The following GTF2IRD1 variants were observed in gnomAD, a reference collection of about 807,000 sequenced individuals.
GTF2IRD1 encodes the protein general transcription factor II-I repeat domain-containing protein 1.
Under a neutral mutation model 113.2 loss-of-function variants are expected in GTF2IRD1, and 26 were observed. The observed-to-expected ratio is 0.23, with a 90% CI of 0.17 to 0.32. The LOEUF (loss-of-function observed/expected upper bound fraction) is 0.32. Ranked by LOEUF, GTF2IRD1 falls within the 10% of genes least tolerant of loss-of-function variation. The pLI, the probability that GTF2IRD1 is intolerant of heterozygous loss-of-function variation, is 1.00. For missense variants in GTF2IRD1, 864 were observed against 1,280.8 expected (o/e 0.67, Z 4.97); for synonymous variants, 484 against 529.1 (o/e 0.91, Z 1.17).
At chr7:74,545,375 T>G (rs375912949) in intron 15 of GTF2IRD1, among the ~76,000 whole-genome samples, 1 of 152,072 alleles carries the variant, frequency 6.6e-6, no homozygotes. Flanking sequence ...TTAACACAGT[T>G]CCGCTGCCAC....
In GTF2IRD1 at chr7:74,591,039, CGGGGAACAGAGAG is replaced by C. The variant is rs1802027273; in HGVS notation, c.2591+25_2591+37del. On this transcript the variant is annotated intron_variant, in intron 24 of 26. Transcript: ENST00000424337. ...TCCAGTGAGTGCCCGGCCTCTGGAACGGGGAACAGAGAGGGCGAGGCCATGGGGAGGGTGAAAG... is the reference window on the plus strand; with the variant it reads ...TCCAGTGAGTGCCCGGCCTCTGGAACGGCGAGGCCATGGGGAGGGTGAAAG... 3 of 1,578,138 alleles carry C rather than the reference CGGGGAACAGAGAG, an allele frequency of 1.9e-6. No homozygotes were observed. The African/African-American group carries it at 4.0e-5, about 21-fold the overall frequency.
chr7:74,595,102 T>C, intron 25 of GTF2IRD1, 51 bp downstream of exon 25: 2 of 1,372,804 alleles, frequency 1.5e-6, no homozygotes, highest in East Asian at 2.4e-5. Context: ...GACTAGAGAC[T>C]GTTCCATTTG....
Position 74,512,696 on chromosome 7 carries a change from A to C in GTF2IRD1, c.124-134A>C, listed in dbSNP as rs1027220630. On this transcript the variant is annotated intron_variant, in intron 2 of 26. Coordinates refer to ENST00000424337, the MANE Select transcript of GTF2IRD1 (RefSeq NM_005685.4). This position sits in a 1 kb window ranked among gnomAD's most constrained non-coding sequence, Gnocchi z 4.4. ...CAGAATCTGAGACCAAGAACAGTAG[A>C]GGGGCCGTCTGTCCCTGGAGCTGCT... 9 of 735,884 alleles carry C rather than the reference A, an allele frequency of 1.2e-5. No individual in the cohort carries two copies. Among genetic ancestry groups the C allele is most frequent in the Non-Finnish European group, 2.0e-5 (9 of 450,502 alleles). The allele number at this position is 735,884 out of a possible 1,614,324, so 45.6% of individuals were successfully genotyped here. A position where few individuals can be genotyped will look rare whatever the true frequency, so the allele number is the denominator to read the frequency against.
intron 1 of GTF2IRD1, among the ~76,000 whole-genome samples, chr7:74,492,550 T>C (rs1339740044): frequency 6.6e-6 from 1 of 152,194 alleles, no homozygotes; most frequent in East Asian, 1.9e-4. Context: ...GTGATTTGCA[T>C]TTCACTCATG....
intron 19 of GTF2IRD1, among the ~76,000 whole-genome samples, chr7:74,556,262 GAA>G (rs1474551029): frequency 3.4e-5 from 5 of 148,902 alleles, no homozygotes; most frequent in South Asian, 2.2e-4. Context: ...AAAAAAAAAA[GAA>G]AGAGAGAGAG....
At chr7:74,485,619 A>AG (rs1387929672) in intron 1 of GTF2IRD1, among the ~76,000 whole-genome samples, 1 of 148,588 alleles carries the variant, frequency 6.7e-6, no homozygotes, top group African/African-American at 2.5e-5. Flanking sequence ...TCCATCTCAA[A>AG]GAAAAAAAAA....
At chr7:74,469,897 C>T (rs990127160) in intron 1 of GTF2IRD1, among the ~76,000 whole-genome samples, 3 of 151,234 alleles carry the variant, frequency 2.0e-5, no homozygotes, top group East Asian at 1.9e-4. Context: ...TTGGTAGAGA[C>T]GGCATATGTA....
chr7:74,589,958 C>T (rs369922256), intron 23 of GTF2IRD1, 30 bp downstream of exon 23: 11 of 1,453,766 alleles, frequency 7.6e-6, no homozygotes, highest in East Asian at 2.3e-5. Context: ...GTCAGCACAC[C>T]AAGCCCTCCT....
chr7:74,485,296 C>T (rs995228741), intron 1 of GTF2IRD1, among the ~76,000 whole-genome samples: 1 of 152,198 alleles, frequency 6.6e-6, no homozygotes, highest in Non-Finnish European at 1.5e-5. Flanking sequence ...ATTCATCAGA[C>T]GAGTCTTGGA....
chr7:74,573,521 C>G (rs1800818954), intron 22 of GTF2IRD1, among the ~76,000 whole-genome samples: 1 of 152,004 alleles, frequency 6.6e-6, no homozygotes, highest in South Asian at 2.1e-4. Context: ...CCCAGAAACC[C>G]TTTCCCCAGC....
chr7:74,557,154 G>A (rs1485310343), intron 19 of GTF2IRD1, among the ~76,000 whole-genome samples: 1 of 152,310 alleles, frequency 6.6e-6, no homozygotes, highest in East Asian at 1.9e-4. Flanking sequence ...GCTGAAGCAG[G>A]AGAATCGCCT....
At chr7:74,485,060 TG>T (rs2117155305) in intron 1 of GTF2IRD1, among the ~76,000 whole-genome samples, 1 of 151,892 alleles carries the variant, frequency 6.6e-6, no homozygotes, top group East Asian at 1.9e-4. Flanking sequence ...GATGCGTGGG[TG>T]GGAGACATGC....
chr7:74,558,815 G>A (rs180681645), intron 20 of GTF2IRD1, 46 bp from the exon 21 acceptor site: 43 of 1,516,194 alleles, frequency 2.8e-5, no homozygotes, highest in Admixed American at 7.4e-5. Flanking sequence ...CACACCCCAC[G>A]CTGCCTCTCA....
chr7:74,459,351 G>A (rs1793208785), intron 1 of GTF2IRD1, among the ~76,000 whole-genome samples: 1 of 151,966 alleles, frequency 6.6e-6, no homozygotes, highest in Non-Finnish European at 1.5e-5. Flanking sequence ...CCAACTGCTC[G>A]GGAGGCTGAG....
intron 2 of GTF2IRD1, among the ~76,000 whole-genome samples, chr7:74,511,932 A>C (rs1340484484): frequency 6.6e-6 from 1 of 152,132 alleles, no homozygotes; most frequent in East Asian, 1.9e-4. Context: ...GGCCATGAGG[A>C]TAGCCAGCTG....
chr7:74,491,752 A>G (rs893897305), intron 1 of GTF2IRD1, among the ~76,000 whole-genome samples: 5 of 151,984 alleles, frequency 3.3e-5, no homozygotes, highest in East Asian at 1.9e-4. Context: ...GGTTGATTCC[A>G]TGTTTTTGCT....
intron 26 of GTF2IRD1, chr7:74,601,675 G>A (rs1472547808): frequency 7.3e-6 from 2 of 274,264 alleles, no homozygotes; most frequent in Admixed American, 9.3e-5. Context: ...CCAGCTACTT[G>A]GAAGGCTGAG....
At chr7:74,593,315 C>G (rs1395188431) in intron 24 of GTF2IRD1, among the ~76,000 whole-genome samples, 3 of 150,646 alleles carry the variant, frequency 2.0e-5, no homozygotes, top group African/African-American at 7.3e-5. Flanking sequence ...GTGGCTCACG[C>G]CTGTAATCCC....
chr7:74,518,825 A>C (rs1440313526), intron 5 of GTF2IRD1, among the ~76,000 whole-genome samples: 1 of 152,048 alleles, frequency 6.6e-6, no homozygotes, highest in Non-Finnish European at 1.5e-5. Context: ...GAGTTTGAGG[A>C]TGCAGTGAGC....
Sources: allele counts gnomAD v4.1 joint callset (sites outside exome capture counted in the v4.1 genomes callset), GRCh38; gene constraint gnomAD v4.1.1; non-coding constraint Gnocchi (gnomAD v3.1); transcripts MANE v1.5; gene names NCBI Gene and HGNC (gene_info 2026-07-23, HGNC 2026-07-21).